KANK3: variants seen among roughly 807,000 people sequenced by gnomAD.
KANK3 encodes KN motif and ankyrin repeat domains 3, also known as KN motif and ankyrin repeat domain-containing protein 3.
In KANK3, 61 loss-of-function variants were observed where a neutral mutation model predicts 65.4. That is an observed-to-expected ratio of 0.93 (90% CI 0.76 to 1.15). The LOEUF (loss-of-function observed/expected upper bound fraction) is 1.15, where lower values mean the gene tolerates loss of function less well. Ranked by LOEUF, KANK3 falls within the 50% of genes most tolerant of loss-of-function variation. KANK3 has a pLI of 0.00. For missense variants in KANK3, 1,187 were observed against 1,178.8 expected (o/e 1.01, Z -0.10); for synonymous variants, 586 against 543.3 (o/e 1.08, Z -1.09).
chr19:8,324,871 T>C, intron 8 of KANK3, 41 bp from the exon 9 acceptor site: 1 of 1,602,232 alleles, frequency 6.2e-7, no homozygotes, highest in Non-Finnish European at 8.5e-7. Context: ...TGGGGTAGGC[T>C]CAGGGAAGGG....
chr19:8,338,831 C>T (rs1342346350), intron 1 of KANK3, among the ~76,000 whole-genome samples: 9 of 134,058 alleles, frequency 6.7e-5, no homozygotes, highest in African/African-American at 2.3e-4. Flanking sequence ...GCTGAGGTGG[C>T]GCCACTGCAC....
chr19:8,328,645 C>A (rs1173509345), intron 7 of KANK3, among the ~76,000 whole-genome samples: 3 of 151,980 alleles, frequency 2.0e-5, no homozygotes, highest in Non-Finnish European at 2.9e-5. Context: ...ATTGTCCCCG[C>A]AAGGTCCAAG....
Position 8,324,547 on chromosome 19 carries a change from C to T in KANK3, c.2284G>A (p.Glu762Lys). The T allele has an allele frequency of 1.9e-6, 3 of 1,613,188 alleles. No homozygotes were observed. The highest frequency in any genetic ancestry group is 1.3e-5 in the African/African-American group (1 of 75,068). Residue 762 changes from glutamate to lysine, a missense_variant and splice_region_variant, in exon 10 of 11, where the codon GAG becomes AAG. This residue lies in a region of KANK3 where 1,078 missense variants were observed against 1,038.2 expected (regional missense o/e 1.04). Transcript: ENST00000330915. ...GCGATGGCCAGGGCACTGGTGCCCT[C>T]CTGTGGAACGTTAGGGACAGTCAGA... Reference protein sequence around the residue: ...PGCDPAILDNEGTSALAIALE... With the variant: ...PGCDPAILDNKGTSALAIALE...
Position 8,333,943 on chromosome 19 carries a change from G to A in KANK3, c.1601C>T (p.Ala534Val), listed in dbSNP as rs775969566. 2 of 1,572,040 alleles carry A rather than the reference G, an allele frequency of 1.3e-6. No individual in the cohort carries two copies. Among genetic ancestry groups the A allele is most frequent in the East Asian group, 2.4e-5 (1 of 42,404 alleles). The change falls in exon 5 of 11, where the codon GCG becomes GTG. Residue 534 changes from alanine to valine, a missense_variant. Physicochemically the swap from Ala to Val is moderately conservative, Grantham distance 64 (BLOSUM62 0). Around this residue, in one of 3 missense-constraint regions of KANK3, gnomAD observed 1,078 missense variants for 1,038.2 expected, o/e 1.04. Transcript: ENST00000330915. The surrounding 1 kb of genome is among the most constrained non-coding windows in gnomAD (Gnocchi z 5.0). Reference protein sequence around the residue: ...GGDIRDPEPEAEAEPQQVAQG... With the variant: ...GGDIRDPEPEVEAEPQQVAQG... ...TGCCACCTGCTGAGGCTCTGCCTCC[G>A]CCTCGGGCTCAGGGTCCCGGATGTC...
Position 8,333,635 on chromosome 19 carries a change from T to C in KANK3, c.1719+89A>G. On this transcript the variant is annotated intron_variant, in intron 6 of 10. Coordinates refer to ENST00000330915, the MANE Select transcript of KANK3 (RefSeq NM_198471.3). This position sits in a 1 kb window ranked among gnomAD's most constrained non-coding sequence, Gnocchi z 5.0. ...AGGCGAGGTGCCTGGCGGGAAGGGA[T>C]GGAACCCGGTGTGCTCCCCTAAGTG... 9.2e-7 allele frequency: 1 copy of C among 1,090,832 alleles called. No individual in the cohort carries two copies. The allele number at this position is 1,090,832 out of a possible 1,614,324, so 67.6% of individuals were successfully genotyped here.
intron 2 of KANK3, among the ~76,000 whole-genome samples, chr19:8,337,330 A>T (rs557550479): frequency 1.5e-4 from 22 of 149,752 alleles, no homozygotes; most frequent in Non-Finnish European, 2.2e-4. Context: ...CAGCCTCCCG[A>T]GTAGCTGGGA....
chr19:8,337,690 A>G (rs1970665477), intron 2 of KANK3, 105 bp downstream of exon 2: 1 of 1,332,882 alleles, frequency 7.5e-7, no homozygotes, highest in Admixed American at 1.7e-5. Context: ...ATGACATTGG[A>G]GAGGACTGCA....
rs1173716383 is a variant in KANK3 at position 8,333,747 on chromosome 19, G to A, written c.1696C>T (p.Pro566Ser). ...ACGCCGTCGCTGGCTACTCCGCGGG[G>A]CCGGCTCAGCTGCCGCTGCAGCGCT... ...CVALQRQLSR[P>S]RGVASDGGAV... Residue 566 changes from proline (P) to serine (S), a missense_variant, in exon 6 of 11, where the codon CCC becomes TCC. Physicochemically the swap from Pro to Ser is moderately conservative, Grantham distance 74. Transcript: ENST00000330915. The surrounding 1 kb of genome is among the most constrained non-coding windows in gnomAD (Gnocchi z 5.0). The A allele has an allele frequency of 2.0e-6, 3 of 1,475,938 alleles. No homozygotes were observed. The highest frequency in any genetic ancestry group is 2.4e-5 in the Admixed American group (1 of 41,396). 91.4% of individuals were successfully genotyped at this position (1,475,938 alleles called of 1,614,324 possible).
At position 8,335,487 on chromosome 19, in the gene KANK3, GCC is replaced by G; in HGVS notation, c.338_339del (p.Gly113AlafsTer59). The G allele has an allele frequency of 8.1e-7, 1 of 1,238,456 alleles. No individual in the cohort carries two copies. Among genetic ancestry groups the G allele is most frequent in the Non-Finnish European group, 1.0e-6 (1 of 986,704 alleles). 76.7% of individuals were successfully genotyped at this position (1,238,456 alleles called of 1,614,324 possible). On this transcript the variant is annotated frameshift_variant, in exon 3 of 11. Coordinates refer to ENST00000330915, the MANE Select transcript of KANK3 (RefSeq NM_198471.3). LOFTEE classifies it high-confidence loss of function. ...PGILSQGAPSGLLMQPLSPRA... is the reference protein window; with the variant it reads ...PGILSQGAPSXLLMQPLSPRA... ...CGCGGCGACAGCGGCTGCATCAGGA[GCC>G]CCGAGGGCGCGCCCTGGGAGAGTAT... is the stretch of plus-strand genomic sequence containing the variant.
intron 4 of KANK3, 64 bp downstream of exon 4, chr19:8,334,256 G>A (rs943895363): frequency 6.3e-7 from 1 of 1,597,456 alleles, no homozygotes; most frequent in East Asian, 2.3e-5. Context: ...GAGGGGCAGA[G>A]CTGGGGTTCC....
chr19:8,334,378 CAGG>C lies in KANK3; in HGVS notation c.1366_1368del (p.Pro456del). The C allele has an allele frequency of 6.2e-7, 1 of 1,614,110 alleles. No homozygotes were observed. On this transcript the variant is annotated inframe_deletion, in exon 4 of 11. Coordinates refer to ENST00000330915, the MANE Select transcript of KANK3 (RefSeq NM_198471.3). ...TTGGGTCCGGAGCTGGGTTGGGCAC[CAGG>C]TGTGCCGTCTCTCTTCTTCATGATG...
At position 8,324,848 on chromosome 19, in the gene KANK3, A is replaced by G. The variant is rs916976071; in HGVS notation, c.2083-18T>C. On this transcript the variant is annotated intron_variant, in intron 8 of 10. Transcript: ENST00000330915. Reference sequence around the variant, plus strand: ...TGCCCCGTCTGGGGAGTGGGGAGGAAGAGGGAACAGGCTGGGGTAGGCTCA... The same window carrying G: ...TGCCCCGTCTGGGGAGTGGGGAGGAGGAGGGAACAGGCTGGGGTAGGCTCA... 2 of 1,605,800 alleles carry G rather than the reference A, an allele frequency of 1.2e-6. No homozygotes were observed. The highest frequency in any genetic ancestry group is 3.3e-5 in the Admixed American group (2 of 59,860).
chr19:8,339,045 T>A (rs1198051794), intron 1 of KANK3, among the ~76,000 whole-genome samples: 1 of 151,936 alleles, frequency 6.6e-6, no homozygotes, highest in Admixed American at 6.6e-5. Context: ...TAGCGGAGTG[T>A]CACAGGCTTG....
intron 7 of KANK3, among the ~76,000 whole-genome samples, chr19:8,332,349 T>C (rs1412079059): frequency 6.6e-6 from 1 of 151,840 alleles, no homozygotes; most frequent in Non-Finnish European, 1.5e-5. Context: ...AGCTAATTTT[T>C]GTATTTTTAG....
rs184280679 is a variant in KANK3 at position 8,328,355 on chromosome 19, C to A, written c.1937-3259G>T. ...TTATTTCACGTTTTTACTTGATAAT[C>A]GTCTCTCTCCACTCTTCACTCACCA... On this transcript the variant is annotated intron_variant, in intron 7 of 10. Coordinates refer to ENST00000330915, the MANE Select transcript of KANK3 (RefSeq NM_198471.3). Among the ~76,000 whole-genome samples the A allele has an allele frequency of 2.0e-5, 3 of 149,928 alleles. No homozygotes were observed. In the Admixed American group the frequency reaches 2.0e-4, roughly 10 times the overall value.
chr19:8,342,394 G>C (rs1381917343), intron 1 of KANK3, among the ~76,000 whole-genome samples: 1 of 152,158 alleles, frequency 6.6e-6, no homozygotes, highest in Non-Finnish European at 1.5e-5. Context: ...TCACTAAGTG[G>C]GGCGTTTAGC....
At chr19:8,326,765 C>T (rs2145416013) in intron 7 of KANK3, among the ~76,000 whole-genome samples, 1 of 151,388 alleles carries the variant, frequency 6.6e-6, no homozygotes, top group South Asian at 2.1e-4. Flanking sequence ...CCACTGCACT[C>T]CAGCCTGGGT....
In KANK3 at chr19:8,333,076, G is replaced by A. The variant is rs374192464; in HGVS notation, c.1874C>T (p.Thr625Met). The A allele has an allele frequency of 2.6e-5, 42 of 1,609,724 alleles. No homozygotes were observed. The highest frequency in any genetic ancestry group is 1.6e-4 in the Middle Eastern group (1 of 6,066). ...GTGGGACACACTGTAGTGCAGGGCC[G>A]TGTTCCCGTTGCCATCCGCCAGGTT... ...VVNLADGNGN[T>M]ALHYSVSHGN... Residue 625 changes from threonine to methionine, a missense_variant, in exon 7 of 11, where the codon ACG becomes ATG. Thr to Met is a moderately conservative substitution (Grantham distance 81). Transcript: ENST00000330915. The surrounding 1 kb of genome is among the most constrained non-coding windows in gnomAD (Gnocchi z 5.0).
rs929934293 is a variant in KANK3 at position 8,328,058 on chromosome 19, A to C, written c.1937-2962T>G. ...CACTGGAGGCCAAGGCAGGAGGATC[A>C]CTTGAGCTCTGGAGTTCGAGAACAG... On this transcript the variant is annotated intron_variant, in intron 7 of 10. Coordinates refer to ENST00000330915, the MANE Select transcript of KANK3 (RefSeq NM_198471.3). Among the ~76,000 whole-genome samples the C allele has an allele frequency of 7.9e-5, 12 of 152,270 alleles. 2 individuals are homozygous for C. Among genetic ancestry groups the C allele is most frequent in the Admixed American group, 1.3e-4 (2 of 15,286 alleles).
Sources: gnomAD v4.1 joint callset for allele counts (sites outside exome capture counted in the v4.1 genomes callset) on GRCh38, gnomAD v4.1.1 for gene constraint, gnomAD v4.1.1 regional missense constraint, Gnocchi (gnomAD v3.1) non-coding constraint, MANE v1.5 for transcripts, NCBI Gene and HGNC (gene_info 2026-07-23, HGNC 2026-07-21) for gene names.